ZNF141: variants seen among roughly 807,000 people sequenced by gnomAD.
ZNF141 encodes zinc finger protein 141.
A neutral mutation model predicts 11.3 loss-of-function variants in ZNF141; 7 were observed. The ratio of observed to expected loss-of-function variants is 0.62; its 90% confidence interval spans 0.35 to 1.16. ZNF141 has a LOEUF of 1.16. Ranked by LOEUF, ZNF141 falls within the 50% of genes most tolerant of loss-of-function variation. The pLI, the probability that ZNF141 is intolerant of heterozygous loss-of-function variation, is 0.02. For synonymous variants in ZNF141, 183 were observed against 190.7 expected (o/e 0.96, Z 0.33); for missense variants, 535 against 554.0 (o/e 0.97, Z 0.34).
Position 337,814 on chromosome 4 carries a change from G to T in ZNF141, c.-170G>T. 1 of 783,222 alleles carries T rather than the reference G, an allele frequency of 1.3e-6. No homozygotes were observed. Among genetic ancestry groups the T allele is most frequent in the South Asian group, 1.4e-5 (1 of 69,928 alleles). 48.5% of individuals were successfully genotyped at this position (783,222 alleles called of 1,614,324 possible). On this transcript the variant is annotated 5_prime_UTR_variant, in exon 1 of 4. Coordinates refer to ENST00000240499, the MANE Select transcript of ZNF141 (RefSeq NM_003441.4). ...CGGTGGCTTCCGGGATGTGGCGCGGGTCTTTGCGTCTGGCTACTACCAGAC... is the reference window on the plus strand; with the variant it reads ...CGGTGGCTTCCGGGATGTGGCGCGGTTCTTTGCGTCTGGCTACTACCAGAC...
chr4:344,758 C>T (rs1281465429), intron 3 of ZNF141, among the ~76,000 whole-genome samples: 3 of 152,174 alleles, frequency 2.0e-5, no homozygotes, highest in Non-Finnish European at 2.9e-5. Context: ...CACACCACTG[C>T]ACTCCAGCCT....
At position 376,559 on chromosome 4, in the gene ZNF141, A is replaced by G. The variant is rs1712374349; in HGVS notation, c.*2697A>G. Among the ~76,000 whole-genome samples the G allele has an allele frequency of 6.6e-6, 1 of 152,082 alleles. No homozygotes were observed. On this transcript the variant is annotated 3_prime_UTR_variant, in exon 4 of 4. Transcript: ENST00000240499. ...ACATTTATGCATCCTGAATACTTCTAAAAAATGTTTTACATTTCTCTTTGA... is the reference window on the plus strand; with the variant it reads ...ACATTTATGCATCCTGAATACTTCTGAAAAATGTTTTACATTTCTCTTTGA...
At chr4:359,704 G>A (rs1288486795) in intron 3 of ZNF141, among the ~76,000 whole-genome samples, 1 of 152,164 alleles carries the variant, frequency 6.6e-6, no homozygotes, top group Non-Finnish European at 1.5e-5. Flanking sequence ...GCAGGTCACA[G>A]GTCAGGAAAA....
chr4:381,974 GTC>G lies in ZNF141; in HGVS notation c.*8115_*8116del, dbSNP rs1231453318. Reference sequence around the variant, plus strand: ...TTTTTTTTTTTTTTTTTGAGACGGAGTCTCACTCTCGCCCAGGCTGGAGTGCA... The same window carrying G: ...TTTTTTTTTTTTTTTTTGAGACGGAGTCACTCTCGCCCAGGCTGGAGTGCA... On this transcript the variant is annotated 3_prime_UTR_variant, in exon 4 of 4. Transcript: ENST00000240499. 1.9e-5 allele frequency among the ~76,000 whole-genome samples: 2 copies of G among 103,778 alleles called. No individual in the cohort carries two copies. Among genetic ancestry groups the G allele is most frequent in the African/African-American group, 1.1e-4 (2 of 18,906 alleles). 68.1% of individuals were successfully genotyped at this position (103,778 alleles called of 152,430 possible). A position where few individuals can be genotyped will look rare whatever the true frequency, so the allele number is the denominator to read the frequency against.
At position 380,652 on chromosome 4, in the gene ZNF141, C is replaced by T. The variant is rs1012177649; in HGVS notation, c.*6790C>T. On this transcript the variant is annotated 3_prime_UTR_variant, in exon 4 of 4. Coordinates refer to ENST00000240499, the MANE Select transcript of ZNF141 (RefSeq NM_003441.4). ...GGGTGACAAGAGCAAAACTCCATCC[C>T]CCCTGCCCAAAAAAAAAAATTAATT... 9.2e-5 allele frequency among the ~76,000 whole-genome samples: 11 copies of T among 119,900 alleles called. No homozygotes were observed. Among genetic ancestry groups the T allele is most frequent in the Admixed American group, 7.5e-4 (10 of 13,324 alleles). 78.7% of individuals were successfully genotyped at this position (119,900 alleles called of 152,430 possible).
rs896537544 is a variant in ZNF141, at chr4:375,289, C to G, written c.*1427C>G. On this transcript the variant is annotated 3_prime_UTR_variant, in exon 4 of 4. Transcript: ENST00000240499. ...AAAGAGGGTTGTAGTACCTGTACTT[C>G]TCTCATGGATTTTGTTGTACACATT... The G allele has an allele frequency of 6.6e-5, 10 of 152,046 alleles. No individual in the cohort carries two copies. The highest frequency in any genetic ancestry group is 2.4e-4 in the African/African-American group (10 of 41,432). 9.4% of individuals were successfully genotyped at this position (152,046 alleles called of 1,614,324 possible). A position where few individuals can be genotyped will look rare whatever the true frequency, so the allele number is the denominator to read the frequency against.
Position 342,959 on chromosome 4 carries a change from AGACC to A in ZNF141, c.4-822_4-819del, listed in dbSNP as rs1721120888. 1.2e-5 allele frequency: 18 copies of A among 1,505,904 alleles called. No homozygotes were observed. The South Asian group carries it at 1.7e-4, about 14-fold the overall frequency. 93.3% of individuals were successfully genotyped at this position (1,505,904 alleles called of 1,614,324 possible). On this transcript the variant is annotated intron_variant, in intron 1 of 3. Coordinates refer to ENST00000240499, the MANE Select transcript of ZNF141 (RefSeq NM_003441.4). ...TCAATTATCTCCTGATCCAAGGCTG[AGACC>A]TTATTTTTTAAAATCAGTTCCTTGC... is the stretch of plus-strand genomic sequence containing the variant.
intron 3 of ZNF141, among the ~76,000 whole-genome samples, chr4:346,893 A>AT (rs1721348315): frequency 7.4e-6 from 1 of 135,440 alleles, no homozygotes; most frequent in African/African-American, 3.2e-5. Context: ...ACACACACAC[A>AT]CCGCCCCCCC....
chr4:342,337 CT>C (rs1553848595), intron 1 of ZNF141, among the ~76,000 whole-genome samples: 1 of 152,178 alleles, frequency 6.6e-6, no homozygotes, highest in Non-Finnish European at 1.5e-5. Flanking sequence ...CTTCTGTAAC[CT>C]TATAGGGTCT....
intron 3 of ZNF141, among the ~76,000 whole-genome samples, chr4:369,758 A>ATTTT (rs1560196787): frequency 2.9e-5 from 1 of 34,762 alleles, no homozygotes; most frequent in African/African-American, 1.9e-4. Flanking sequence ...ATATATATAT[A>ATTTT]TATATATTTT....
In ZNF141 at chr4:337,831, C is replaced by T. The variant is rs1225937772; in HGVS notation, c.-153C>T. The stretch of plus-strand genomic sequence containing the variant: ...TGGCGCGGGTCTTTGCGTCTGGCTA[C>T]TACCAGACCGCGGGTTAGGGGCTTC... On this transcript the variant is annotated 5_prime_UTR_variant, in exon 1 of 4. Coordinates refer to ENST00000240499, the MANE Select transcript of ZNF141 (RefSeq NM_003441.4). 44 of 990,980 alleles carry T rather than the reference C, an allele frequency of 4.4e-5. No homozygotes were observed. The highest frequency in any genetic ancestry group is 6.4e-5 in the Non-Finnish European group (41 of 644,694). The allele number at this position is 990,980 out of a possible 1,614,324, so 61.4% of individuals were successfully genotyped here.
rs1445924098 is a variant in ZNF141, at chr4:378,818, CAA to C, written c.*4958_*4959del. Among the ~76,000 whole-genome samples the C allele has an allele frequency of 6.8e-6, 1 of 146,982 alleles. No individual in the cohort carries two copies. Among genetic ancestry groups the C allele is most frequent in the Non-Finnish European group, 1.5e-5 (1 of 67,250 alleles). The stretch of plus-strand genomic sequence containing the variant: ...TGAAGATTATGGCAGCTGTTGAATC[CAA>C]ACAGTTTCTCAGTGATTTTTTTTTT... On this transcript the variant is annotated 3_prime_UTR_variant, in exon 4 of 4. Transcript: ENST00000240499.
chr4:373,397 T>C lies in ZNF141; in HGVS notation c.960T>C (p.Phe320=). 1.9e-6 allele frequency: 3 copies of C among 1,614,092 alleles called. No homozygotes were observed. Among genetic ancestry groups the C allele is most frequent in the Non-Finnish European group, 2.5e-6 (3 of 1,180,002 alleles). ...PYKCEECGKA[F]NRSTTLTKHK... ...AATGTGAAGAATGTGGCAAAGCCTT[T>C]AATAGGTCCACAACCCTTACTAAAC... is the stretch of plus-strand genomic sequence containing the variant. The change falls in exon 4 of 4, where the codon TTT becomes TTC. Residue 320 remains phenylalanine (F), a synonymous_variant. Transcript: ENST00000240499.
At chr4:364,532 G>C (rs181252945) in intron 3 of ZNF141, among the ~76,000 whole-genome samples, 1 of 152,124 alleles carries the variant, frequency 6.6e-6, no homozygotes, top group East Asian at 1.9e-4. Context: ...GGGATCGGTG[G>C]TTATATCCCC....
At chr4:354,326 G>A (rs1172270981) in intron 3 of ZNF141, among the ~76,000 whole-genome samples, 1 of 152,186 alleles carries the variant, frequency 6.6e-6, no homozygotes, top group Non-Finnish European at 1.5e-5. Flanking sequence ...TCACCCTGCA[G>A]GTGCCTAAGT....
intron 2 of ZNF141, 113 bp downstream of exon 2, chr4:344,021 TTCTTGAGCTAATTTGAG>T: frequency 1.4e-6 from 2 of 1,430,838 alleles, no homozygotes; most frequent in Non-Finnish European, 1.9e-6. Context: ...ACCTTCTCTT[TTCTTGAGCTAATTTGAG>T]TCCTTCACTC....
At chr4:349,327 GA>G (rs1721483265) in intron 3 of ZNF141, among the ~76,000 whole-genome samples, 1 of 151,138 alleles carries the variant, frequency 6.6e-6, no homozygotes, top group Non-Finnish European at 1.5e-5. Flanking sequence ...ATACTTTAAT[GA>G]ATGCATTTAT....
rs1404209405 is a variant in ZNF141 at position 380,293 on chromosome 4, A to T, written c.*6431A>T. ...ATTAAAGCATGTATTGGAATTCCGTATATACATGTTTTAGTAATAGTTGAT... is the reference window on the plus strand; with the variant it reads ...ATTAAAGCATGTATTGGAATTCCGTTTATACATGTTTTAGTAATAGTTGAT... On this transcript the variant is annotated 3_prime_UTR_variant, in exon 4 of 4. Coordinates refer to ENST00000240499, the MANE Select transcript of ZNF141 (RefSeq NM_003441.4). Among the ~76,000 whole-genome samples, 1 of 152,220 alleles carries T rather than the reference A, an allele frequency of 6.6e-6. No individual in the cohort carries two copies. The highest frequency in any genetic ancestry group is 1.9e-4 in the East Asian group (1 of 5,208).
intron 3 of ZNF141, among the ~76,000 whole-genome samples, chr4:353,504 A>G (rs1337483141): frequency 6.8e-6 from 1 of 146,868 alleles, no homozygotes; most frequent in Non-Finnish European, 1.5e-5. Flanking sequence ...ACTCTCGTCC[A>G]GGCTGGAGTG....
Sources: gnomAD v4.1 joint callset for allele counts (sites outside exome capture counted in the v4.1 genomes callset) on GRCh38, gnomAD v4.1.1 for gene constraint, MANE v1.5 for transcripts, NCBI Gene and HGNC (gene_info 2026-07-23, HGNC 2026-07-21) for gene names.